XRCC4: variants seen among roughly 807,000 people sequenced by gnomAD.
XRCC4 encodes the protein DNA repair protein XRCC4.
A neutral mutation model predicts 39.1 loss-of-function variants in XRCC4; 28 were observed. The observed-to-expected ratio is 0.72, with a 90% confidence interval of 0.53 to 0.98. XRCC4 has a LOEUF of 0.98. Among genes scored for constraint, XRCC4 ranks in the 50% least tolerant of loss-of-function variants. XRCC4 has a pLI of 0.00. For missense variants in XRCC4, 350 were observed against 376.4 expected, an observed-to-expected ratio of 0.93 and a Z score of 0.58; for synonymous variants, 123 against 126.4, an observed-to-expected ratio of 0.97 and a Z score of 0.18.
chr5:83,267,372 C>T (rs138524865), intron 7 of XRCC4, among the ~76,000 whole-genome samples: 3 of 152,298 alleles, frequency 2.0e-5, no homozygotes, highest in African/African-American at 7.2e-5. Flanking sequence ...CCACCACCTG[C>T]TCTATCCACA....
Position 83,195,914 on chromosome 5 carries a change from G to A in XRCC4, c.460G>A (p.Asp154Asn). The change falls in exon 4 of 8, where the codon GAT (aspartate) becomes AAT (asparagine). Residue 154 changes from aspartate (D) to asparagine (N), a missense_variant. Transcript: ENST00000396027. ...LQKENERLLR[D>N]WNDVQGRFEK... ...GAAAGAAAATGAAAGGCTTCTGAGAGATTGGAATGATGTTCAAGGACGGTG... is the reference window on the plus strand; with the variant it reads ...GAAAGAAAATGAAAGGCTTCTGAGAAATTGGAATGATGTTCAAGGACGGTG... 1.2e-6 allele frequency: 2 copies of A among 1,609,532 alleles called. No individual in the cohort carries two copies. Among genetic ancestry groups the A allele is most frequent in the African/African-American group, 1.3e-5 (1 of 74,758 alleles).
chr5:83,210,038 C>T (rs1248171431), intron 6 of XRCC4, among the ~76,000 whole-genome samples: 1 of 152,052 alleles, frequency 6.6e-6, no homozygotes, highest in Admixed American at 6.5e-5. Context: ...TATAGAATAG[C>T]CTTTTTGAAA....
chr5:83,184,066 A>C (rs879674100), intron 3 of XRCC4, among the ~76,000 whole-genome samples: 55 of 152,236 alleles, frequency 3.6e-4, no homozygotes, highest in African/African-American at 1.3e-3. Flanking sequence ...GTTTAAAAAA[A>C]TTTTTAATAA....
intron 6 of XRCC4, among the ~76,000 whole-genome samples, chr5:83,245,582 A>G (rs573536327): frequency 6.6e-6 from 1 of 152,214 alleles, no homozygotes; most frequent in African/African-American, 2.4e-5. Context: ...ATTGCATAAG[A>G]TTTTTTGGCT....
At chr5:83,228,898 G>C (rs1752390074) in intron 6 of XRCC4, among the ~76,000 whole-genome samples, 1 of 151,948 alleles carries the variant, frequency 6.6e-6, no homozygotes, top group South Asian at 2.1e-4. Flanking sequence ...CAGAGGTGAT[G>C]CTCCTTACGA....
chr5:83,353,106 AT>A, intron 7 of XRCC4, 24 bp from the exon 8 acceptor site: 1 of 1,546,990 alleles, frequency 6.5e-7, no homozygotes, highest in African/African-American at 1.4e-5. Context: ...AAATAAAACT[AT>A]TTTGATTTTC....
chr5:83,101,955 CAACTAAACAAGGTTTAGTTGATAT>C (rs375819171), intron 1 of XRCC4, among the ~76,000 whole-genome samples: 73,695 of 151,520 alleles, frequency 0.49, 18,685 homozygotes, highest in African/African-American at 0.62. Context: ...CATAGAAAAA[CAACTAAACAAGGTTTAGTTGATAT>C]TAAACTCAAA....
At chr5:83,209,272 C>G (rs1486799544) in intron 6 of XRCC4, among the ~76,000 whole-genome samples, 1 of 151,972 alleles carries the variant, frequency 6.6e-6, no homozygotes, top group Non-Finnish European at 1.5e-5. Context: ...AACAGAACCT[C>G]AACAAAATAT....
rs1757146398 is a variant in XRCC4 at position 83,353,464 on chromosome 5, T to A, written c.*222T>A. Reference sequence around the variant, plus strand: ...ATTATTCTAAACTATTCATTCAGCATGCCTATAATTACATAAATTGTATGA... The same window carrying A: ...ATTATTCTAAACTATTCATTCAGCAAGCCTATAATTACATAAATTGTATGA... On this transcript the variant is annotated 3_prime_UTR_variant, in exon 8 of 8. Coordinates refer to ENST00000396027, the MANE Select transcript of XRCC4 (RefSeq NM_003401.5). The A allele has an allele frequency of 2.9e-6, 1 of 343,112 alleles. No homozygotes were observed. The highest frequency in any genetic ancestry group is 5.3e-6 in the Non-Finnish European group (1 of 190,234). The allele number at this position is 343,112 out of a possible 1,614,324, so 21.3% of individuals were successfully genotyped here. A position where few individuals can be genotyped will look rare whatever the true frequency, so the allele number is the denominator to read the frequency against.
At chr5:83,290,429 ATATT>A (rs766717268) in intron 7 of XRCC4, among the ~76,000 whole-genome samples, 5 of 150,988 alleles carry the variant, frequency 3.3e-5, no homozygotes, top group East Asian at 1.9e-4. Flanking sequence ...CATTTTATAA[ATATT>A]TATAACATTA....
At chr5:83,128,007 A>T (rs1306958580) in intron 3 of XRCC4, among the ~76,000 whole-genome samples, 4 of 151,280 alleles carry the variant, frequency 2.6e-5, no homozygotes, top group Non-Finnish European at 5.9e-5. Context: ...TTATACTTTA[A>T]GTTCTAGGTT....
intron 7 of XRCC4, among the ~76,000 whole-genome samples, chr5:83,301,149 C>T (rs1043866845): frequency 2.0e-5 from 3 of 152,128 alleles, no homozygotes; most frequent in Non-Finnish European, 2.9e-5. Flanking sequence ...CTTGATGAAT[C>T]GCCACACTGT....
At chr5:83,090,441 C>T (rs1041750113) in intron 1 of XRCC4, among the ~76,000 whole-genome samples, 6 of 152,070 alleles carry the variant, frequency 3.9e-5, no homozygotes, top group African/African-American at 9.7e-5. Flanking sequence ...ATTATGAGAC[C>T]GCCTCAGCCA....
intron 6 of XRCC4, among the ~76,000 whole-genome samples, chr5:83,227,974 A>G (rs1455929771): frequency 6.6e-6 from 1 of 152,004 alleles, no homozygotes; most frequent in African/African-American, 2.4e-5. Flanking sequence ...CTCTCTGAGA[A>G]TGAACAAAAA....
chr5:83,224,392 G>A (rs1752210645), intron 6 of XRCC4, among the ~76,000 whole-genome samples: 2 of 152,030 alleles, frequency 1.3e-5, no homozygotes, highest in Middle Eastern at 3.2e-3. Flanking sequence ...ATACACAAAC[G>A]ACACTGTTGC....
chr5:83,105,022 A>C lies in XRCC4; in HGVS notation c.103A>C (p.Thr35Pro). ...EKTLESGFVI[T>P]LTDGHSAWTG... ...AACACTGGAATCTGGTTTTGTTATT[A>C]CACTTACTGATGGTCATTCAGCATG... The change falls in exon 2 of 8, where the codon ACA becomes CCA. Residue 35 changes from threonine (T) to proline (P), a missense_variant. Transcript: ENST00000396027. 1 of 1,613,566 alleles carries C rather than the reference A, an allele frequency of 6.2e-7. No individual in the cohort carries two copies. The highest frequency in any genetic ancestry group is 8.5e-7 in the Non-Finnish European group (1 of 1,179,744).
At chr5:83,321,575 T>C (rs1245764914) in intron 7 of XRCC4, among the ~76,000 whole-genome samples, 2 of 152,206 alleles carry the variant, frequency 1.3e-5, no homozygotes, top group East Asian at 1.9e-4. Flanking sequence ...ATGTTAACTT[T>C]ATTTTTCAAA....
intron 6 of XRCC4, among the ~76,000 whole-genome samples, chr5:83,211,796 A>T (rs1751656728): frequency 6.6e-6 from 1 of 152,232 alleles, no homozygotes; most frequent in Non-Finnish European, 1.5e-5. Context: ...CAATTGTCAC[A>T]CATCACAAGA....
chr5:83,132,707 C>A (rs892165772), intron 3 of XRCC4, among the ~76,000 whole-genome samples: 1 of 152,040 alleles, frequency 6.6e-6, no homozygotes, highest in Admixed American at 6.6e-5. Context: ...GCATGTAGTT[C>A]TTGTGCCATT....
Sources: allele counts gnomAD v4.1 joint callset (sites outside exome capture counted in the v4.1 genomes callset), GRCh38; gene constraint gnomAD v4.1.1; transcripts MANE v1.5; gene names NCBI Gene and HGNC (gene_info 2026-07-23, HGNC 2026-07-21).